The following PRKCH variants were observed in gnomAD, a reference collection of about 807,000 sequenced individuals.
PRKCH encodes protein kinase C eta, also known as protein kinase C eta type.
Under a neutral mutation model 82.5 loss-of-function variants are expected in PRKCH, and 28 were observed. The ratio of observed to expected loss-of-function variants is 0.34; its 90% CI spans 0.25 to 0.47. The LOEUF (loss-of-function observed/expected upper bound fraction) is 0.47. Ranked by LOEUF, PRKCH falls within the 20% of genes least tolerant of loss-of-function variation. The pLI is 1.00. For missense variants in PRKCH, 705 were observed against 881.8 expected (o/e 0.80, Z 2.54); for synonymous variants, 322 against 327.4 (o/e 0.98, Z 0.18).
At chr14:61,192,216 A>G (rs1381715056) in intron 1 of PRKCH, among the ~76,000 whole-genome samples, 1 of 152,102 alleles carries the variant, frequency 6.6e-6, no homozygotes, top group African/African-American at 2.4e-5. Context: ...TCATTTCTGG[A>G]TTTTCCCTCT....
chr14:61,547,983 C>T (rs2043281084), intron 13 of PRKCH, 97 bp downstream of exon 13: 11 of 1,497,858 alleles, frequency 7.3e-6, no homozygotes, highest in Non-Finnish European at 8.2e-6. Context: ...CTGTGGGTGA[C>T]AGACCAGAAA....
intron 10 of PRKCH, among the ~76,000 whole-genome samples, chr14:61,516,102 C>T (rs2042825081): frequency 6.6e-6 from 1 of 152,154 alleles, no homozygotes; most frequent in Non-Finnish European, 1.5e-5. Context: ...TCACAATATG[C>T]TGCCCATTGA....
At chr14:61,465,862 T>C (rs1441621014) in intron 9 of PRKCH, among the ~76,000 whole-genome samples, 1 of 152,204 alleles carries the variant, frequency 6.6e-6, no homozygotes, top group African/African-American at 2.4e-5. Context: ...GCACCTAACA[T>C]GTATTGTTTA....
chr14:61,335,908 A>AAC (rs1324844522), intron 1 of PRKCH, among the ~76,000 whole-genome samples: 1 of 152,246 alleles, frequency 6.6e-6, no homozygotes, highest in Admixed American at 6.5e-5. Context: ...TCAGTGCATC[A>AAC]TAGTGTGATG....
At chr14:61,281,237 C>G (rs2045263110) in intron 1 of PRKCH, 4 of 818,646 alleles carry the variant, frequency 4.9e-6, no homozygotes, top group Non-Finnish European at 6.6e-6. Context: ...AGCCCGGGGA[C>G]TGCTCGCGGG....
At chr14:61,505,771 T>G (rs1887122395) in intron 10 of PRKCH, among the ~76,000 whole-genome samples, 1 of 152,146 alleles carries the variant, frequency 6.6e-6, no homozygotes, top group Non-Finnish European at 1.5e-5. Context: ...ACAGTCACAT[T>G]GAAGGTTAAG....
At chr14:61,408,418 C>T (rs911812731) in intron 2 of PRKCH, among the ~76,000 whole-genome samples, 3 of 152,128 alleles carry the variant, frequency 2.0e-5, no homozygotes, top group Non-Finnish European at 2.9e-5. Context: ...ACTGTTAATC[C>T]TTACAGTCAA....
At chr14:61,209,444 A>AT (rs2044552518) in intron 1 of PRKCH, among the ~76,000 whole-genome samples, 1 of 152,026 alleles carries the variant, frequency 6.6e-6, no homozygotes, top group Non-Finnish European at 1.5e-5. Flanking sequence ...CTGTTCTTTA[A>AT]GTCACCCAGT....
chr14:61,292,132 G>A (rs564727402), intron 1 of PRKCH, among the ~76,000 whole-genome samples: 5 of 151,952 alleles, frequency 3.3e-5, no homozygotes, highest in South Asian at 4.2e-4. Context: ...AATTACCCTT[G>A]GGAAAAATGT....
At chr14:61,462,954 A>G (rs1315142785) in intron 9 of PRKCH, 1 of 152,336 alleles carries the variant, frequency 6.6e-6, no homozygotes, top group Non-Finnish European at 1.5e-5. Context: ...CTCTGACTCC[A>G]TATGTTGTCT....
chr14:61,228,128 C>T (rs998858504), intron 1 of PRKCH, among the ~76,000 whole-genome samples: 3 of 152,262 alleles, frequency 2.0e-5, no homozygotes, highest in East Asian at 3.9e-4. Flanking sequence ...ATTCATTATA[C>T]AGTAGAGAAG....
intron 1 of PRKCH, among the ~76,000 whole-genome samples, chr14:61,215,293 T>C (rs1433050823): frequency 1.3e-5 from 2 of 152,174 alleles, no homozygotes; most frequent in Non-Finnish European, 2.9e-5. Flanking sequence ...CACATCCAAC[T>C]GACCAAAGGC....
intron 1 of PRKCH, among the ~76,000 whole-genome samples, chr14:61,382,900 G>A (rs2046533063): frequency 6.6e-6 from 1 of 152,194 alleles, no homozygotes. Flanking sequence ...AATTAAATGA[G>A]TGTTTCTCTT....
chr14:61,243,399 A>G (rs1157963639), intron 1 of PRKCH, among the ~76,000 whole-genome samples: 7 of 151,058 alleles, frequency 4.6e-5, no homozygotes, highest in Admixed American at 3.3e-4. Flanking sequence ...AAAAAAAAAA[A>G]AAAGAAAAAG....
chr14:61,329,254 T>TTTTG (rs1555375988), intron 1 of PRKCH, among the ~76,000 whole-genome samples: 2 of 122,516 alleles, frequency 1.6e-5, no homozygotes, highest in Non-Finnish European at 3.4e-5. Flanking sequence ...TTTTTTTTTT[T>TTTTG]GAGACAGAAT....
chr14:61,435,907 T>G (rs1164295691), intron 2 of PRKCH, among the ~76,000 whole-genome samples: 1 of 152,110 alleles, frequency 6.6e-6, no homozygotes, highest in Non-Finnish European at 1.5e-5. Context: ...GAAAGACGAT[T>G]ATAGAGAGAA....
At chr14:61,444,206 C>T (rs1419081330) in intron 3 of PRKCH, among the ~76,000 whole-genome samples, 3 of 152,124 alleles carry the variant, frequency 2.0e-5, no homozygotes, top group Non-Finnish European at 4.4e-5. Context: ...GCTAAACCAG[C>T]TGTAGATATG....
At chr14:61,500,753 A>C (rs1054856377) in intron 10 of PRKCH, among the ~76,000 whole-genome samples, 1 of 152,120 alleles carries the variant, frequency 6.6e-6, no homozygotes, top group Non-Finnish European at 1.5e-5. Flanking sequence ...TTTCCTCTCA[A>C]ATCAATCTGT....
intron 2 of PRKCH, among the ~76,000 whole-genome samples, chr14:61,433,538 T>A (rs1883523293): frequency 6.6e-6 from 1 of 151,976 alleles, no homozygotes; most frequent in African/African-American, 2.4e-5. Context: ...AAGGCTGGGG[T>A]GGGGGTAGAG....
Sources: allele counts gnomAD v4.1 joint callset (sites outside exome capture counted in the v4.1 genomes callset), GRCh38; gene constraint gnomAD v4.1.1; transcripts MANE v1.5; gene names NCBI Gene and HGNC (gene_info 2026-07-23, HGNC 2026-07-21).